NBPF26: variants seen among roughly 807,000 people sequenced by gnomAD.
NBPF26 encodes the protein NBPF family member NBPF26.
Under a neutral mutation model 119.6 loss-of-function variants are expected in NBPF26, and 79 were observed. That is an observed-to-expected ratio of 0.66 (90% confidence interval 0.55 to 0.80). The LOEUF is 0.80. NBPF26 is among the 30% of genes least tolerant of loss of function. NBPF26 has a pLI of 0.00. For synonymous variants in NBPF26, 299 were observed against 457.7 expected, an observed-to-expected ratio of 0.65 and a Z score of 4.43; for missense variants, 800 against 1,198.2, an observed-to-expected ratio of 0.67 and a Z score of 4.91.
Position 120,770,241 on chromosome 1 carries a change from C to T in NBPF26, c.155+6532C>T, listed in dbSNP as rs1651247292. Among the ~76,000 whole-genome samples the T allele has an allele frequency of 1.9e-5, 2 of 103,450 alleles. 1 individual carries two copies. Among genetic ancestry groups the T allele is most frequent in the Non-Finnish European group, 3.6e-5 (2 of 55,724 alleles). 67.9% of individuals were successfully genotyped at this position (103,450 alleles called of 152,430 possible). ...CTGGAGTGCAGTGGCGCTTTCTTGG[C>T]TCACTGCAAGCTCCGCCTCCCGGGT... On this transcript the variant is annotated intron_variant, in intron 2 of 29. Transcript: ENST00000620612.
rs1244434855 is a variant in NBPF26, at chr1:120,840,259, A to T, written c.4104-91A>T. On this transcript the variant is annotated intron_variant, in intron 29 of 29. Transcript: ENST00000620612. ...ATGGATCTATCCTTTTTCTTTTCTA[A>T]CCACTTCCTTATGTTACTTCTGAAA... The T allele has an allele frequency of 6.3e-6, 9 of 1,428,142 alleles. 1 individual carries two copies. The highest frequency in any genetic ancestry group is 5.4e-5 in the African/African-American group (2 of 36,920). The allele number at this position is 1,428,142 out of a possible 1,614,324, so 88.5% of individuals were successfully genotyped here.
chr1:120,807,357 G>T lies in NBPF26; in HGVS notation c.962-250G>T, dbSNP rs1553270218. Among the ~76,000 whole-genome samples, 36 of 124,456 alleles carry T rather than the reference G, an allele frequency of 2.9e-4. 9 individuals carry two copies. The highest frequency in any genetic ancestry group is 2.7e-3 in the Admixed American group (35 of 13,050). 81.6% of individuals were successfully genotyped at this position (124,456 alleles called of 152,430 possible). On this transcript the variant is annotated intron_variant, in intron 5 of 29. Transcript: ENST00000620612. ...GGACTGTGAGTTCTGACTCCACTTC[G>T]TTGTGGTTGAATCATCTTGTCAACT...
intron 4 of NBPF26, among the ~76,000 whole-genome samples, chr1:120,805,080 G>A (rs1651648270): frequency 8.1e-6 from 1 of 123,202 alleles, no homozygotes; most frequent in South Asian, 2.4e-4. Flanking sequence ...AAACAGTGAG[G>A]AATATGCTTA....
Position 120,781,809 on chromosome 1 carries a change from C to T in NBPF26, c.156-3165C>T, listed in dbSNP as rs1168841422. Among the ~76,000 whole-genome samples the T allele has an allele frequency of 6.0e-5, 7 of 117,256 alleles. 2 individuals are homozygous for T. The highest frequency in any genetic ancestry group is 9.4e-5 in the African/African-American group (2 of 21,358). 76.9% of individuals were successfully genotyped at this position (117,256 alleles called of 152,430 possible). A position where few individuals can be genotyped will look rare whatever the true frequency, so the allele number is the denominator to read the frequency against. ...TCCTGACCTGGTGATCTGCCTGCCT[C>T]GGCCTCCCAAAGTGCTGAGATTACT... On this transcript the variant is annotated intron_variant, in intron 2 of 29. Coordinates refer to ENST00000620612, the Ensembl canonical transcript of NBPF26.
intron 4 of NBPF26, among the ~76,000 whole-genome samples, chr1:120,794,234 A>T (rs1200598537): frequency 8.7e-6 from 1 of 114,336 alleles, no homozygotes; most frequent in Non-Finnish European, 1.7e-5. Context: ...TAAAAAGAGG[A>T]GCAGTGTCGG....
At chr1:120,790,033 T>G (rs1458682679) in intron 3 of NBPF26, among the ~76,000 whole-genome samples, 2 of 77,148 alleles carry the variant, frequency 2.6e-5, no homozygotes, top group Admixed American at 1.2e-4. Flanking sequence ...TTTTTTTTTT[T>G]TGAGATGGAG....
chr1:120,762,441 G>C (rs1403315030), intron 1 of NBPF26, among the ~76,000 whole-genome samples: 2 of 88,792 alleles, frequency 2.3e-5, no homozygotes, highest in South Asian at 3.5e-4. Context: ...TACTGGTTTC[G>C]TGGCCAGGGA....
intron 4 of NBPF26, among the ~76,000 whole-genome samples, chr1:120,804,404 C>A (rs1271431306): frequency 1.1e-5 from 1 of 91,722 alleles, no homozygotes; most frequent in Admixed American, 1.1e-4. Context: ...TGGAATGCAA[C>A]CCAAAATCAA....
intron 15 of NBPF26, among the ~76,000 whole-genome samples, chr1:120,820,455 T>TATAC (rs1652107972): frequency 6.6e-5 from 1 of 15,160 alleles, no homozygotes; most frequent in African/African-American, 2.2e-4. Context: ...AAAATATATA[T>TATAC]ATATATATAT....
rs1652485155 is a variant in NBPF26, at chr1:120,840,320, C to G, written c.4104-30C>G. The G allele has an allele frequency of 3.5e-6, 5 of 1,444,320 alleles. 1 individual carries two copies. The highest frequency in any genetic ancestry group is 3.7e-6 in the Non-Finnish European group (4 of 1,082,610). The allele number at this position is 1,444,320 out of a possible 1,614,324, so 89.5% of individuals were successfully genotyped here. A position where few individuals can be genotyped will look rare whatever the true frequency, so the allele number is the denominator to read the frequency against. On this transcript the variant is annotated intron_variant, in intron 29 of 29. Transcript: ENST00000620612. ...CTCTGTGGTGTCCGATTTTCCCTGGCTGCTTCTTTAGTTTTGTCTCCTTTT... is the reference window on the plus strand; with the variant it reads ...CTCTGTGGTGTCCGATTTTCCCTGGGTGCTTCTTTAGTTTTGTCTCCTTTT...
At chr1:120,812,924 TA>T in intron 10 of NBPF26, among the ~76,000 whole-genome samples, 4 of 10,912 alleles carry the variant, frequency 3.7e-4, no homozygotes, top group African/African-American at 8.7e-4. Flanking sequence ...CTGCTAAAAA[TA>T]ATAATAATAA....
rs1412583379 is a variant in NBPF26, at chr1:120,759,044, T to G, written c.74-4584T>G. The stretch of plus-strand genomic sequence containing the variant: ...CCACCTTTCTCTTATAGAAATAAGG[T>G]TCCTGAGGACAGGGAGTTTATTCTG... On this transcript the variant is annotated intron_variant, in intron 1 of 29. Transcript: ENST00000620612. 1.9e-5 allele frequency among the ~76,000 whole-genome samples: 2 copies of G among 105,906 alleles called. 1 individual carries two copies. Among genetic ancestry groups the G allele is most frequent in the Non-Finnish European group, 3.5e-5 (2 of 57,400 alleles). The allele number at this position is 105,906 out of a possible 152,430, so 69.5% of individuals were successfully genotyped here.
intron 2 of NBPF26, among the ~76,000 whole-genome samples, chr1:120,777,971 C>T (rs1651317048): frequency 1.2e-5 from 1 of 83,302 alleles, no homozygotes; most frequent in Admixed American, 1.2e-4. Flanking sequence ...ATTCTATAGG[C>T]TCTGGGGTAC....
rs1405451245 is a variant in NBPF26 at position 120,819,369 on chromosome 1, G to A, written c.2423+1195G>A. ...CCATCCCTTTATTTTGAGCCTATGT[G>A]TGTCTCTGCATGTGAGATGGGTTTC... On this transcript the variant is annotated intron_variant, in intron 15 of 29. Coordinates refer to ENST00000620612, the Ensembl canonical transcript of NBPF26. Among the ~76,000 whole-genome samples the A allele has an allele frequency of 3.6e-5, 4 of 111,488 alleles. 2 individuals carry two copies. Among genetic ancestry groups the A allele is most frequent in the African/African-American group, 1.1e-4 (2 of 18,858 alleles). The allele number at this position is 111,488 out of a possible 152,430, so 73.1% of individuals were successfully genotyped here.
intron 1 of NBPF26, among the ~76,000 whole-genome samples, chr1:120,724,751 G>A (rs1354020139): frequency 8.4e-6 from 1 of 118,858 alleles, no homozygotes; most frequent in Non-Finnish European, 1.7e-5. Flanking sequence ...GGCCGGGTGT[G>A]TGGGCTTGGT....
Position 120,823,238 on chromosome 1 carries a change from G to T in NBPF26, c.2588-71G>T. 2.6e-6 allele frequency: 2 copies of T among 777,626 alleles called. 1 individual carries two copies. The highest frequency in any genetic ancestry group is 2.8e-5 in the South Asian group (2 of 70,804). The allele number at this position is 777,626 out of a possible 1,614,324, so 48.2% of individuals were successfully genotyped here. A position where few individuals can be genotyped will look rare whatever the true frequency, so the allele number is the denominator to read the frequency against. The stretch of plus-strand genomic sequence containing the variant: ...GACTGATGTCCCTGTGTTAGGATTG[G>T]ACAGAGGAATGTTTCTGTGTGCAAG... On this transcript the variant is annotated intron_variant, in intron 16 of 29. Coordinates refer to ENST00000620612, the Ensembl canonical transcript of NBPF26.
chr1:120,840,201 A>G (rs1553273334), intron 29 of NBPF26, 149 bp from the exon 36 acceptor site: 4 of 1,114,042 alleles, frequency 3.6e-6, no homozygotes, highest in South Asian at 3.1e-5. Context: ...CTATCCCAAC[A>G]TAAAGGCAAT....
chr1:120,805,819 C>T, intron 5 of NBPF26, 54 bp downstream of exon 5: 1 of 1,215,252 alleles, frequency 8.2e-7, no homozygotes, highest in South Asian at 1.3e-5. Context: ...CCTGTCTTCT[C>T]TCTGAGACAC....
chr1:120,840,208 C>A lies in NBPF26; in HGVS notation c.4104-142C>A. The stretch of plus-strand genomic sequence containing the variant: ...GCCCTGTTCTATCCCAACATAAAGG[C>A]AATAAATTTTTTTTTTACCTCATTA... On this transcript the variant is annotated intron_variant, in intron 29 of 29. Transcript: ENST00000620612. 2.5e-6 allele frequency: 3 copies of A among 1,211,516 alleles called. 1 individual carries two copies. The highest frequency in any genetic ancestry group is 3.3e-6 in the Non-Finnish European group (3 of 907,682). The allele number at this position is 1,211,516 out of a possible 1,614,324, so 75.0% of individuals were successfully genotyped here. A position where few individuals can be genotyped will look rare whatever the true frequency, so the allele number is the denominator to read the frequency against.
Sources: allele counts gnomAD v4.1 joint callset (sites outside exome capture counted in the v4.1 genomes callset), GRCh38; gene constraint gnomAD v4.1.1; transcripts MANE v1.5; gene names NCBI Gene and HGNC (gene_info 2026-07-23, HGNC 2026-07-21).